ABHD4: variants seen among roughly 807,000 people sequenced by gnomAD.
The protein encoded by ABHD4 is abhydrolase domain containing 4, N-acyl phospholipase B.
In ABHD4, 35 loss-of-function variants were observed where a neutral mutation model predicts 42.3. The ratio of observed to expected loss-of-function variants is 0.83; its 90% confidence interval spans 0.63 to 1.10. The LOEUF (loss-of-function observed/expected upper bound fraction) is 1.10. ABHD4 is among the 50% of genes least tolerant of loss of function. The probability of loss-of-function intolerance (pLI) is 0.00; values close to 1 mark genes in which losing one functional copy is unlikely to be tolerated. For missense variants in ABHD4, 389 were observed against 454.8 expected (o/e 0.86, Z 1.32); for synonymous variants, 169 against 170.6 (o/e 0.99, Z 0.07).
chr14:22,610,071 T>C (rs2037394477), intron 6 of ABHD4, among the ~76,000 whole-genome samples, 161 bp downstream of exon 6: 1 of 151,804 alleles, frequency 6.6e-6, no homozygotes, highest in South Asian at 2.1e-4. Flanking sequence ...ATCTTTTTTT[T>C]TTCGTGATGG....
chr14:22,598,398 G>T, intron 1 of ABHD4, 69 bp downstream of exon 1: 1 of 1,551,268 alleles, frequency 6.4e-7, no homozygotes, highest in Non-Finnish European at 8.7e-7. Context: ...GACTGTCTGT[G>T]GCTGAGGAAC....
chr14:22,598,820 G>C, intron 1 of ABHD4: 1 of 211,492 alleles, frequency 4.7e-6, no homozygotes, highest in Non-Finnish European at 9.6e-6. Flanking sequence ...TGGAACAACG[G>C]GCTTGCAAGT....
intron 5 of ABHD4, among the ~76,000 whole-genome samples, chr14:22,606,766 C>T (rs1164370703): frequency 1.3e-5 from 2 of 152,128 alleles, no homozygotes; most frequent in Admixed American, 6.5e-5. Context: ...GGAAGGCCCT[C>T]CCTGTTCCCT....
chr14:22,610,598 C>T lies in ABHD4; in HGVS notation c.940-261C>T, dbSNP rs548876654. Among the ~76,000 whole-genome samples, 4 of 152,158 alleles carry T rather than the reference C, an allele frequency of 2.6e-5. No individual in the cohort carries two copies. In the South Asian group the frequency reaches 6.2e-4, roughly 24 times the overall value. ...CAACCATGGGCCCAGGTTTACTGGA[C>T]CTTTGGATTAAATGAGCAGATCAGT... On this transcript the variant is annotated intron_variant, in intron 6 of 6. Coordinates refer to ENST00000428304, the MANE Select transcript of ABHD4 (RefSeq NM_022060.3).
intron 6 of ABHD4, among the ~76,000 whole-genome samples, 183 bp downstream of exon 6, chr14:22,610,093 T>C (rs1594894419): frequency 1.3e-5 from 2 of 152,222 alleles, no homozygotes; most frequent in Admixed American, 1.3e-4. Context: ...GTCTCGCTAT[T>C]GTTGCCCAGG....
In ABHD4 at chr14:22,611,974, G is replaced by A. The variant is rs1594895270; in HGVS notation, c.*1026G>A. The A allele has an allele frequency of 6.5e-6, 1 of 152,978 alleles. No individual in the cohort carries two copies. Among genetic ancestry groups the A allele is most frequent in the South Asian group, 2.1e-4 (1 of 4,832 alleles). The allele number at this position is 152,978 out of a possible 1,614,324, so 9.5% of individuals were successfully genotyped here. ...GGGTTCTCCATGCCCATCAGTCTCTGCAGTTTCTCTACCTGCCCCCAGAGC... is the reference window on the plus strand; with the variant it reads ...GGGTTCTCCATGCCCATCAGTCTCTACAGTTTCTCTACCTGCCCCCAGAGC... On this transcript the variant is annotated 3_prime_UTR_variant, in exon 7 of 7. Coordinates refer to ENST00000428304, the MANE Select transcript of ABHD4 (RefSeq NM_022060.3).
chr14:22,608,434 C>T (rs756261153), intron 5 of ABHD4, among the ~76,000 whole-genome samples: 2 of 152,186 alleles, frequency 1.3e-5, no homozygotes, highest in African/African-American at 4.8e-5. Context: ...AGCAAATGAC[C>T]GGGGAGTGAA....
intron 4 of ABHD4, 26 bp downstream of exon 4, chr14:22,604,105 A>G (rs1566382510): frequency 1.9e-6 from 3 of 1,612,454 alleles, no homozygotes; most frequent in South Asian, 1.1e-5. Context: ...TATCTCCTTA[A>G]AGGAAGGCTA....
rs145512964 is a variant in ABHD4 at position 22,606,875 on chromosome 14, TTC to T, written c.752+344_752+345del. 3.5e-3 allele frequency among the ~76,000 whole-genome samples: 535 copies of T among 152,334 alleles called. 2 individuals carry two copies. Among genetic ancestry groups the T allele is most frequent in the African/African-American group, 0.012 (516 of 41,568 alleles). On this transcript the variant is annotated intron_variant, in intron 5 of 6. Transcript: ENST00000428304. ...AATTGATACAAACATGGTATTTTTT[TTC>T]TTTTTTTAGGTCAAAAATAATTAGC...
At chr14:22,604,630 A>C (rs565317304) in intron 4 of ABHD4, among the ~76,000 whole-genome samples, 9 of 147,606 alleles carry the variant, frequency 6.1e-5, no homozygotes, top group Non-Finnish European at 1.3e-4. Flanking sequence ...CAGAATAGCT[A>C]CCAGAGTCTC....
At position 22,612,590 on chromosome 14, in the gene ABHD4, G is replaced by C. The variant is rs1266194275; in HGVS notation, c.*1642G>C. 2.6e-5 allele frequency: 4 copies of C among 152,258 alleles called. No homozygotes were observed. Among genetic ancestry groups the C allele is most frequent in the African/African-American group, 4.8e-5 (2 of 41,432 alleles). 9.4% of individuals were successfully genotyped at this position (152,258 alleles called of 1,614,324 possible). Reference sequence around the variant, plus strand: ...GGAGTCGAGATCCACAGTGTGGATGGGGCAAGCCCCAGTTCACAGTAGAGA... The same window carrying C: ...GGAGTCGAGATCCACAGTGTGGATGCGGCAAGCCCCAGTTCACAGTAGAGA... On this transcript the variant is annotated 3_prime_UTR_variant, in exon 7 of 7. Coordinates refer to ENST00000428304, the MANE Select transcript of ABHD4 (RefSeq NM_022060.3).
At chr14:22,598,497 A>G in intron 1 of ABHD4, 168 bp downstream of exon 1, 4 of 1,532,354 alleles carry the variant, frequency 2.6e-6, no homozygotes, top group Non-Finnish European at 3.5e-6. Flanking sequence ...GCATTTGCCC[A>G]GAAGAGGCAG....
chr14:22,603,754 C>A lies in ABHD4; in HGVS notation c.477C>A (p.Tyr159Ter). The change falls in exon 3 of 7, where the codon TAC becomes TAA. Residue 159 changes from tyrosine to a stop codon, truncating the protein, a stop_gained. Transcript: ENST00000428304. LOFTEE classifies it high-confidence loss of function. ...GFLATSYSIKYPDRVKHLILV... is the reference protein window; with the variant it reads ...GFLATSYSIK ...TGGCCACTTCTTACTCAATCAAGTA[C>A]CCTGATAGGTAATAAGGAGATGGCT... 1 of 1,577,922 alleles carries A rather than the reference C, an allele frequency of 6.3e-7. No homozygotes were observed.
chr14:22,605,752 C>G, intron 4 of ABHD4: 1 of 1,206,692 alleles, frequency 8.3e-7, no homozygotes. Flanking sequence ...CCCAACCCAG[C>G]CCCTTCTTAC....
At chr14:22,610,303 C>T (rs1566385769) in intron 6 of ABHD4, among the ~76,000 whole-genome samples, 2 of 152,156 alleles carry the variant, frequency 1.3e-5, no homozygotes, top group African/African-American at 2.4e-5. Flanking sequence ...GTGATCCGCC[C>T]ACCTTGGCCT....
intron 6 of ABHD4, 144 bp from the exon 7 acceptor site, chr14:22,610,715 C>G (rs963315598): frequency 1.6e-6 from 1 of 639,042 alleles, no homozygotes; most frequent in Non-Finnish European, 2.8e-6. Context: ...ATACCAAGAT[C>G]CAAGCGAGAA....
intron 4 of ABHD4, chr14:22,604,285 C>G: frequency 1.7e-6 from 1 of 603,208 alleles, no homozygotes; most frequent in South Asian, 2.3e-5. Flanking sequence ...AAGTCTCGCT[C>G]TGTCACCCAG....
chr14:22,603,424 C>G lies in ABHD4; in HGVS notation c.147C>G (p.Ser49=). Residue 49 remains serine, a synonymous_variant, in exon 3 of 7, where the codon TCC becomes TCG. Transcript: ENST00000428304. ...LQNKFLARYV[S]LPNQNKIWTV... is the part of the protein sequence containing the mutation. ...ATAAGTTCCTGGCCAGATATGTATC[C>G]CTCCCAAACCAGAATAAGATCTGGA... The G allele has an allele frequency of 1.2e-6, 2 of 1,614,134 alleles. No individual in the cohort carries two copies. Among genetic ancestry groups the G allele is most frequent in the Non-Finnish European group, 1.7e-6 (2 of 1,180,016 alleles).
At position 22,608,183 on chromosome 14, in the gene ABHD4, C is replaced by T. The variant is rs572572681; in HGVS notation, c.753-1541C>T. ...ACTCCAAATTCCATGCTTTTTCTGCCGTGCTGCAGTATCTTAAGGAAAAAT... is the reference window on the plus strand; with the variant it reads ...ACTCCAAATTCCATGCTTTTTCTGCTGTGCTGCAGTATCTTAAGGAAAAAT... On this transcript the variant is annotated intron_variant, in intron 5 of 6. Coordinates refer to ENST00000428304, the MANE Select transcript of ABHD4 (RefSeq NM_022060.3). 3.3e-4 allele frequency among the ~76,000 whole-genome samples: 51 copies of T among 152,264 alleles called. No individual in the cohort carries two copies. In the South Asian group the frequency reaches 3.5e-3, roughly 11 times the overall value.
Sources: allele counts gnomAD v4.1 joint callset (sites outside exome capture counted in the v4.1 genomes callset), GRCh38; gene constraint gnomAD v4.1.1; transcripts MANE v1.5; gene names NCBI Gene and HGNC (gene_info 2026-07-23, HGNC 2026-07-21).